DPYSL2: variants seen among roughly 807,000 people sequenced by gnomAD.
The protein encoded by DPYSL2 is dihydropyrimidinase-related protein 2.
In DPYSL2, 13 loss-of-function variants were observed where a neutral mutation model predicts 69.9. The ratio of observed to expected loss-of-function variants is 0.19; its 90% CI spans 0.12 to 0.30. The LOEUF (loss-of-function observed/expected upper bound fraction) is 0.30. Ranked by LOEUF, DPYSL2 falls within the 10% of genes least tolerant of loss-of-function variation. The pLI, the probability that DPYSL2 is intolerant of heterozygous loss-of-function variation, is 1.00. For synonymous variants in DPYSL2, 326 were observed against 359.1 expected (o/e 0.91, Z 1.04); for missense variants, 587 against 918.9 (o/e 0.64, Z 4.67).
chr8:26,581,066 C>T (rs1263707720), intron 1 of DPYSL2, among the ~76,000 whole-genome samples: 3 of 152,166 alleles, frequency 2.0e-5, no homozygotes, highest in African/African-American at 7.2e-5. Flanking sequence ...TGGGAGTTTA[C>T]CTTTTTCTTA....
At chr8:26,622,613 C>T (rs1788447408) in intron 3 of DPYSL2, among the ~76,000 whole-genome samples, 1 of 152,072 alleles carries the variant, frequency 6.6e-6, no homozygotes, top group Non-Finnish European at 1.5e-5. Context: ...AGCAATTCTC[C>T]TGCCTCAGCC....
chr8:26,589,718 G>A (rs1205824124), intron 3 of DPYSL2, among the ~76,000 whole-genome samples: 1 of 152,278 alleles, frequency 6.6e-6, no homozygotes, highest in Non-Finnish European at 1.5e-5. Flanking sequence ...GCCTGTGGTT[G>A]TGGATGGGAC....
intron 7 of DPYSL2, 63 bp from the exon 8 acceptor site, chr8:26,634,717 A>C (rs1802861144): frequency 6.2e-7 from 1 of 1,612,128 alleles, no homozygotes; most frequent in African/African-American, 1.3e-5. Flanking sequence ...GGGGTGGAGG[A>C]TAAAGGTAGC....
Position 26,585,379 on chromosome 8 carries a change from A to G in DPYSL2, c.628+1396A>G, listed in dbSNP as rs374272936. On this transcript the variant is annotated intron_variant, in intron 3 of 13. Transcript: ENST00000521913. The surrounding 1 kb of genome is among the most constrained non-coding windows in gnomAD (Gnocchi z 4.0). ...GAGTTGCCCCGCATTTTAAATCACA[A>G]CTCATCCTCTGGCGTTCTCTCTGTC... 7.9e-5 allele frequency among the ~76,000 whole-genome samples: 12 copies of G among 151,802 alleles called. No homozygotes were observed. Among genetic ancestry groups the G allele is most frequent in the African/African-American group, 1.7e-4 (7 of 41,382 alleles).
intron 1 of DPYSL2, among the ~76,000 whole-genome samples, chr8:26,540,255 C>G (rs1320556180): frequency 7.1e-6 from 1 of 141,722 alleles, no homozygotes; most frequent in Admixed American, 7.5e-5. Flanking sequence ...CAACAGTAGA[C>G]TTGATCAAGC....
In DPYSL2 at chr8:26,598,695, A is replaced by G. The variant is rs1405647664; in HGVS notation, c.628+14712A>G. The stretch of plus-strand genomic sequence containing the variant: ...AAGATTGGCTCGCAGGGCAGGTTGA[A>G]GCTTCAACACCAAAATCTCTCTGTT... On this transcript the variant is annotated intron_variant, in intron 3 of 13. Coordinates refer to ENST00000521913, the MANE Select transcript of DPYSL2 (RefSeq NM_001197293.3). This position sits in a 1 kb window ranked among gnomAD's most constrained non-coding sequence, Gnocchi z 4.2. 6.6e-6 allele frequency among the ~76,000 whole-genome samples: 1 copy of G among 152,196 alleles called. No homozygotes were observed. Among genetic ancestry groups the G allele is most frequent in the Non-Finnish European group, 1.5e-5 (1 of 68,034 alleles).
At chr8:26,603,991 G>A (rs926910398) in intron 3 of DPYSL2, among the ~76,000 whole-genome samples, 1 of 152,176 alleles carries the variant, frequency 6.6e-6, no homozygotes, top group African/African-American at 2.4e-5. Context: ...ACTCTTGGGT[G>A]TGTGCCCGTA....
chr8:26,623,033 T>G (rs1802533306), intron 3 of DPYSL2, among the ~76,000 whole-genome samples: 1 of 152,202 alleles, frequency 6.6e-6, no homozygotes, highest in Admixed American at 6.5e-5. Context: ...AGTTTGTATT[T>G]TAGTGCTTGT....
chr8:26,645,939 C>T (rs1251797376), intron 10 of DPYSL2, among the ~76,000 whole-genome samples: 3 of 152,010 alleles, frequency 2.0e-5, no homozygotes, highest in African/African-American at 2.4e-5. Context: ...GATCTTGGCT[C>T]ACTGCAACGT....
intron 1 of DPYSL2, among the ~76,000 whole-genome samples, chr8:26,531,018 C>T (rs1800502589): frequency 6.7e-6 from 1 of 149,246 alleles, no homozygotes; most frequent in African/African-American, 2.5e-5. Context: ...CTGATTGTGT[C>T]ACTGCACTCC....
chr8:26,533,677 G>A lies in DPYSL2; in HGVS notation c.354+18998G>A, dbSNP rs1366745070. Among the ~76,000 whole-genome samples, 1 of 152,220 alleles carries A rather than the reference G, an allele frequency of 6.6e-6. No homozygotes were observed. Among genetic ancestry groups the A allele is most frequent in the Admixed American group, 6.5e-5 (1 of 15,278 alleles). The stretch of plus-strand genomic sequence containing the variant: ...GACAAAACATTGCCACACAGCATTA[G>A]AGAAACCACTGGTGCCAAAAAGGCT... On this transcript the variant is annotated intron_variant, in intron 1 of 13. Coordinates refer to ENST00000521913, the MANE Select transcript of DPYSL2 (RefSeq NM_001197293.3). The surrounding 1 kb of genome is among the most constrained non-coding windows in gnomAD (Gnocchi z 4.8).
In DPYSL2 at chr8:26,640,235, C is replaced by A. The variant is rs1225584908; in HGVS notation, c.1127-3204C>A. 1.3e-5 allele frequency among the ~76,000 whole-genome samples: 2 copies of A among 152,194 alleles called. No homozygotes were observed. ...TTTATTCTTCATGAATGCACACGGG[C>A]CCCAGACTGGTTGTAAATAAGCACC... On this transcript the variant is annotated intron_variant, in intron 8 of 13. Transcript: ENST00000521913. The surrounding 1 kb of genome is among the most constrained non-coding windows in gnomAD (Gnocchi z 4.2).
Position 26,641,003 on chromosome 8 carries a change from T to A in DPYSL2, c.1127-2436T>A, listed in dbSNP as rs1342903558. Among the ~76,000 whole-genome samples the A allele has an allele frequency of 6.6e-6, 1 of 152,192 alleles. No homozygotes were observed. The highest frequency in any genetic ancestry group is 1.9e-4 in the East Asian group (1 of 5,186). On this transcript the variant is annotated intron_variant, in intron 8 of 13. Coordinates refer to ENST00000521913, the MANE Select transcript of DPYSL2 (RefSeq NM_001197293.3). The surrounding 1 kb of genome is among the most constrained non-coding windows in gnomAD (Gnocchi z 4.1). The stretch of plus-strand genomic sequence containing the variant: ...GAGAGAAGGGGAATCCAGCTCCTCA[T>A]AGAGCAGCTCCCCACCCCAAGCTGA...
In DPYSL2 at chr8:26,556,151, C is replaced by CTATATAAAT. The variant is rs1800955208; in HGVS notation, c.355-25812_355-25811insAATTATATA. The stretch of plus-strand genomic sequence containing the variant: ...TTATATATACTATATATAGTATATA[C>CTATATAAAT]TATATATAGTATATACTATATATAG... On this transcript the variant is annotated intron_variant, in intron 1 of 13. Transcript: ENST00000521913. Among the ~76,000 whole-genome samples the CTATATAAAT allele has an allele frequency of 6.4e-4, 2 of 3,122 alleles. 1 individual carries two copies. The highest frequency in any genetic ancestry group is 1.2e-3 in the African/African-American group (2 of 1,698). 2.0% of individuals were successfully genotyped at this position (3,122 alleles called of 152,430 possible).
rs979418985 is a variant in DPYSL2 at position 26,514,638 on chromosome 8, A to G, written c.313A>G (p.Arg105Gly). The stretch of plus-strand genomic sequence containing the variant: ...ATCGGGCCGGAAGGTGGAGATCCGG[A>G]GGGCCTCGGGCAAAGAAGCCCTGCA... ...VESGRKVEIRRASGKEALQNI... is the reference protein window; with the variant it reads ...VESGRKVEIRGASGKEALQNI... Residue 105 changes from arginine (R) to glycine (G), a missense_variant, in exon 1 of 14, where the codon AGG becomes GGG. Physicochemically the swap from Arg to Gly is moderately radical, Grantham distance 125 (BLOSUM62 -2). Transcript: ENST00000521913. This position sits in a 1 kb window ranked among gnomAD's most constrained non-coding sequence, Gnocchi z 8.4. The G allele has an allele frequency of 1.3e-5, 17 of 1,314,232 alleles. No individual in the cohort carries two copies. The highest frequency in any genetic ancestry group is 3.2e-5 in the African/African-American group (2 of 62,622). 81.4% of individuals were successfully genotyped at this position (1,314,232 alleles called of 1,614,324 possible).
chr8:26,652,751 G>A lies in DPYSL2; in HGVS notation c.1776+315G>A, dbSNP rs1803302941. Reference sequence around the variant, plus strand: ...GAGAGGACATTTTGAGTTGGGCTTTGAAGGTTAAGTAGGAGTTTGTCAAGT... The same window carrying A: ...GAGAGGACATTTTGAGTTGGGCTTTAAAGGTTAAGTAGGAGTTTGTCAAGT... On this transcript the variant is annotated intron_variant, in intron 12 of 13. Coordinates refer to ENST00000521913, the MANE Select transcript of DPYSL2 (RefSeq NM_001197293.3). This position sits in a 1 kb window ranked among gnomAD's most constrained non-coding sequence, Gnocchi z 6.3. 1.3e-5 allele frequency among the ~76,000 whole-genome samples: 2 copies of A among 152,296 alleles called. No homozygotes were observed. Among genetic ancestry groups the A allele is most frequent in the South Asian group, 4.1e-4 (2 of 4,824 alleles).
intron 3 of DPYSL2, among the ~76,000 whole-genome samples, chr8:26,595,334 C>A (rs776202487): frequency 1.1e-4 from 17 of 151,812 alleles, no homozygotes; most frequent in Non-Finnish European, 1.8e-4. Flanking sequence ...TCCAAATAAT[C>A]TCTGGAGAAT....
Position 26,624,931 on chromosome 8 carries a change from A to G in DPYSL2, c.793+624A>G, listed in dbSNP as rs1258827938. ...AGAACCTCGGGGGTTTGCGGGGAAG[A>G]GCCAGGCCACATCATCTTCCTGGGT... On this transcript the variant is annotated intron_variant, in intron 4 of 13. Coordinates refer to ENST00000521913, the MANE Select transcript of DPYSL2 (RefSeq NM_001197293.3). This position sits in a 1 kb window ranked among gnomAD's most constrained non-coding sequence, Gnocchi z 4.7. 1.3e-5 allele frequency among the ~76,000 whole-genome samples: 2 copies of G among 152,094 alleles called. No individual in the cohort carries two copies. Among genetic ancestry groups the G allele is most frequent in the Non-Finnish European group, 2.9e-5 (2 of 68,028 alleles).
chr8:26,567,291 A>ATCCATCCATCCG (rs1801167759), intron 1 of DPYSL2, among the ~76,000 whole-genome samples: 1 of 150,644 alleles, frequency 6.6e-6, no homozygotes, highest in Non-Finnish European at 1.5e-5. Context: ...CCATCCATCC[A>ATCCATCCATCCG]TCCACCCACC....
Sources: gnomAD v4.1 joint callset for allele counts (sites outside exome capture counted in the v4.1 genomes callset) on GRCh38, gnomAD v4.1.1 for gene constraint, Gnocchi (gnomAD v3.1) non-coding constraint, MANE v1.5 for transcripts, NCBI Gene and HGNC (gene_info 2026-07-23, HGNC 2026-07-21) for gene names.